ZDHHC21: variants seen among roughly 807,000 people sequenced by gnomAD.
The protein encoded by ZDHHC21 is zDHHC palmitoyltransferase 21, also known as palmitoyltransferase ZDHHC21.
In ZDHHC21, 15 loss-of-function variants were observed where a neutral mutation model predicts 34.6. The observed-to-expected ratio is 0.43, with a 90% confidence interval of 0.29 to 0.67. ZDHHC21 has a LOEUF of 0.67. ZDHHC21 is among the 30% of genes least tolerant of loss of function. The probability of loss-of-function intolerance (pLI) is 0.14; values close to 1 mark genes in which losing one functional copy is unlikely to be tolerated. For synonymous variants in ZDHHC21, 142 were observed against 101.8 expected (o/e 1.40, Z -2.38); for missense variants, 344 against 327.7 (o/e 1.05, Z -0.38).
chr9:14,663,839 A>C (rs1485962992), intron 5 of ZDHHC21, among the ~76,000 whole-genome samples: 1 of 152,216 alleles, frequency 6.6e-6, no homozygotes, highest in African/African-American at 2.4e-5. Context: ...ACAGTACTAA[A>C]GCTTAATTTA....
intron 5 of ZDHHC21, among the ~76,000 whole-genome samples, chr9:14,670,158 A>G (rs1338960223): frequency 6.6e-6 from 1 of 152,168 alleles, no homozygotes; most frequent in African/African-American, 2.4e-5. Flanking sequence ...AGCCACTTAA[A>G]ACATAAACAC....
At chr9:14,670,032 A>C (rs1835173864) in intron 5 of ZDHHC21, among the ~76,000 whole-genome samples, 1 of 151,878 alleles carries the variant, frequency 6.6e-6, no homozygotes, top group African/African-American at 2.4e-5. Context: ...AAAAAAAACA[A>C]AACAAACAAA....
chr9:14,630,709 T>C (rs1390789111), intron 8 of ZDHHC21, among the ~76,000 whole-genome samples: 1 of 152,228 alleles, frequency 6.6e-6, no homozygotes, highest in African/African-American at 2.4e-5. Context: ...ATCCATGGCA[T>C]GCATAAGGGG....
chr9:14,664,178 G>A (rs917273300), intron 5 of ZDHHC21, among the ~76,000 whole-genome samples: 4 of 150,854 alleles, frequency 2.7e-5, no homozygotes, highest in African/African-American at 9.7e-5. Context: ...GAAGCAGGGC[G>A]AGGCATTGCC....
intron 7 of ZDHHC21, among the ~76,000 whole-genome samples, chr9:14,640,265 T>C (rs1365750654): frequency 2.1e-5 from 3 of 144,736 alleles, no homozygotes; most frequent in African/African-American, 2.6e-5. Flanking sequence ...TCCTCAATCT[T>C]AGGTGCAAGT....
At chr9:14,602,850 G>A in the ZDHHC21 span, among the ~76,000 whole-genome samples, 1 of 146,242 alleles carries the variant, frequency 6.8e-6, no homozygotes, top group Non-Finnish European at 1.5e-5. Context: ...TTGAGCCCAG[G>A]TGTTCGAGGT....
At chr9:14,589,574 T>C in the ZDHHC21 span, 3 of 152,040 alleles carry the variant, frequency 2.0e-5, no homozygotes, top group East Asian at 5.8e-4. Flanking sequence ...TCTCCAAGAC[T>C]GTTGTTGGAT....
intron 5 of ZDHHC21, among the ~76,000 whole-genome samples, chr9:14,664,667 C>G (rs1339283198): frequency 6.6e-6 from 1 of 151,936 alleles, no homozygotes; most frequent in South Asian, 2.1e-4. Context: ...TGAGAACTGG[C>G]AGACTGCCTC....
At chr9:14,623,234 T>C (rs940687238) in intron 8 of ZDHHC21, among the ~76,000 whole-genome samples, 1 of 151,406 alleles carries the variant, frequency 6.6e-6, no homozygotes, top group Non-Finnish European at 1.5e-5. Context: ...AGTGAATGGC[T>C]GGGTGCGGTG....
intron 3 of ZDHHC21, among the ~76,000 whole-genome samples, chr9:14,676,658 A>C (rs1340646730): frequency 6.6e-6 from 1 of 152,004 alleles, no homozygotes; most frequent in Non-Finnish European, 1.5e-5. Flanking sequence ...TTTTAATTTA[A>C]AAATCAAAAG....
chr9:14,623,251 G>A (rs907416423), intron 8 of ZDHHC21, among the ~76,000 whole-genome samples: 12 of 152,044 alleles, frequency 7.9e-5, no homozygotes, highest in Non-Finnish European at 1.2e-4. Context: ...GGTGGCTCAC[G>A]CCAGTAATTA....
intron 8 of ZDHHC21, among the ~76,000 whole-genome samples, chr9:14,634,294 T>C (rs1827880983): frequency 6.6e-6 from 1 of 152,162 alleles, no homozygotes; most frequent in South Asian, 2.1e-4. Context: ...ACTATTGCCA[T>C]TACCCACGCC....
At chr9:14,604,215 T>C in the ZDHHC21 span, among the ~76,000 whole-genome samples, 1 of 152,198 alleles carries the variant, frequency 6.6e-6, no homozygotes, top group Admixed American at 6.5e-5. Context: ...CAGTTGAAGA[T>C]GCACATACCT....
chr9:14,630,790 T>C (rs1275830168), intron 8 of ZDHHC21, among the ~76,000 whole-genome samples: 1 of 152,220 alleles, frequency 6.6e-6, no homozygotes, highest in Admixed American at 6.5e-5. Context: ...ACTTGATGCA[T>C]TGTCAATGAG....
intron 4 of ZDHHC21, 82 bp from the exon 5 acceptor site, chr9:14,673,010 T>C (rs1456162273): frequency 4.4e-6 from 4 of 901,080 alleles, no homozygotes; most frequent in East Asian, 2.8e-5. Context: ...GTTTAAAATG[T>C]ATATTTTAAC....
Position 14,658,865 on chromosome 9 carries a change from C to A in ZDHHC21, c.388G>T (p.Asp130Tyr). 2.5e-6 allele frequency: 4 copies of A among 1,612,844 alleles called. No homozygotes were observed. The highest frequency in any genetic ancestry group is 3.4e-6 in the Non-Finnish European group (4 of 1,179,414). Residue 130 changes from aspartate to tyrosine, a missense_variant, in exon 7 of 10, where the codon GAT becomes TAT. Coordinates refer to ENST00000380916, the MANE Select transcript of ZDHHC21 (RefSeq NM_178566.6). ...AACTGCAGAAAGAGCCAATGATTAT[C>A]TTCACCAACACAATTGTTAATCCTA... Reference protein sequence around the residue: ...CPWINNCVGEDNHWLFLQLCF... With the variant: ...CPWINNCVGEYNHWLFLQLCF...
rs771117348 is a variant in ZDHHC21 at position 14,618,121 on chromosome 9, G to C, written c.*845C>G. 1.6e-4 allele frequency: 25 copies of C among 152,390 alleles called. No individual in the cohort carries two copies. The highest frequency in any genetic ancestry group is 1.6e-3 in the Admixed American group (24 of 15,238). 9.4% of individuals were successfully genotyped at this position (152,390 alleles called of 1,614,324 possible). A position where few individuals can be genotyped will look rare whatever the true frequency, so the allele number is the denominator to read the frequency against. On this transcript the variant is annotated 3_prime_UTR_variant, in exon 10 of 10. Coordinates refer to ENST00000380916, the MANE Select transcript of ZDHHC21 (RefSeq NM_178566.6). ...TTCTAATATAACTGCACTAGAAAAGGTAATTGTGAAGTTATTGCAAATTCT... is the reference window on the plus strand; with the variant it reads ...TTCTAATATAACTGCACTAGAAAAGCTAATTGTGAAGTTATTGCAAATTCT...
intron 6 of ZDHHC21, among the ~76,000 whole-genome samples, chr9:14,661,973 T>C (rs1401567702): frequency 2.0e-5 from 3 of 152,020 alleles, no homozygotes; most frequent in Non-Finnish European, 4.4e-5. Flanking sequence ...CTTTTGTATA[T>C]CAGGCTGCAG....
At position 14,670,484 on chromosome 9, in the gene ZDHHC21, A is replaced by G. The variant is rs542367519; in HGVS notation, c.253+2346T>C. Among the ~76,000 whole-genome samples, 20 of 152,242 alleles carry G rather than the reference A, an allele frequency of 1.3e-4. No individual in the cohort carries two copies. In the South Asian group the frequency reaches 4.1e-3, roughly 32 times the overall value. On this transcript the variant is annotated intron_variant, in intron 5 of 9. Transcript: ENST00000380916. ...ATAAACAAAGTTTGATGTACCCATC[A>G]TTTACATATTGTCTATGGCTGCTTT...
Sources: gnomAD v4.1 joint callset for allele counts (sites outside exome capture counted in the v4.1 genomes callset) on GRCh38, gnomAD v4.1.1 for gene constraint, MANE v1.5 for transcripts, NCBI Gene and HGNC (gene_info 2026-07-23, HGNC 2026-07-21) for gene names.